PDE10A: variants seen among roughly 807,000 people sequenced by gnomAD.
PDE10A encodes phosphodiesterase 10A.
Under a neutral mutation model 97.7 loss-of-function variants are expected in PDE10A, and 39 were observed. The ratio of observed to expected loss-of-function variants is 0.40; its 90% confidence interval spans 0.31 to 0.52. The LOEUF is 0.52. Ranked by LOEUF, PDE10A falls within the 20% of genes least tolerant of loss-of-function variation. PDE10A has a pLI of 0.56. For missense variants in PDE10A, 731 were observed against 1,047.8 expected (o/e 0.70, Z 4.17); for synonymous variants, 371 against 376.8 (o/e 0.98, Z 0.18).
intron 1 of PDE10A, among the ~76,000 whole-genome samples, chr6:165,715,220 C>T (rs1279002093): frequency 6.6e-6 from 1 of 152,154 alleles, no homozygotes; most frequent in African/African-American, 2.4e-5. Context: ...CAGCAGGTGG[C>T]GAGGCTTAGG....
At chr6:165,560,689 C>T (rs1784476462) in intron 1 of PDE10A, among the ~76,000 whole-genome samples, 1 of 152,188 alleles carries the variant, frequency 6.6e-6, no homozygotes, top group African/African-American at 2.4e-5. Context: ...ACCAGTTAAG[C>T]AAAAACTGTA....
At chr6:165,970,401 G>C (rs9348057) in intron 1 of PDE10A, among the ~76,000 whole-genome samples, 8,323 of 152,126 alleles carry the variant, frequency 0.055, 370 homozygotes, top group South Asian at 0.12. Context: ...AGAATGTCTT[G>C]GTGTGTAGAA....
At chr6:165,495,095 C>T (rs897778816) in intron 2 of PDE10A, among the ~76,000 whole-genome samples, 2 of 152,198 alleles carry the variant, frequency 1.3e-5, no homozygotes, top group Admixed American at 1.3e-4. Context: ...GCAATTTTAA[C>T]AATTCATCCA....
chr6:165,488,392 G>C (rs993849395), intron 2 of PDE10A, among the ~76,000 whole-genome samples: 3 of 152,182 alleles, frequency 2.0e-5, no homozygotes, highest in African/African-American at 7.2e-5. Context: ...AGCGTTCACA[G>C]CAAGTACTTA....
intron 1 of PDE10A, among the ~76,000 whole-genome samples, chr6:165,967,551 G>T (rs705797): frequency 6.6e-6 from 1 of 152,094 alleles, no homozygotes; most frequent in Non-Finnish European, 1.5e-5. Flanking sequence ...TCGTATCTAT[G>T]GTTTTTTCTT....
At chr6:165,763,250 T>G (rs1020245097) in intron 1 of PDE10A, among the ~76,000 whole-genome samples, 1 of 152,216 alleles carries the variant, frequency 6.6e-6, no homozygotes, top group African/African-American at 2.4e-5. Context: ...TTTTCTCCTT[T>G]CCTTAAGGAC....
chr6:165,573,568 C>T (rs906445391), intron 1 of PDE10A, among the ~76,000 whole-genome samples: 5 of 152,168 alleles, frequency 3.3e-5, no homozygotes, highest in African/African-American at 1.2e-4. Flanking sequence ...TGCCTTTCAT[C>T]AAATTTGCCA....
At chr6:165,440,187 G>C (rs773202846) in intron 5 of PDE10A, among the ~76,000 whole-genome samples, 1 of 152,176 alleles carries the variant, frequency 6.6e-6, no homozygotes, top group Non-Finnish European at 1.5e-5. Context: ...CCTGGAACTT[G>C]ATATATGGAT....
intron 5 of PDE10A, among the ~76,000 whole-genome samples, chr6:165,444,546 T>C (rs1790700860): frequency 6.6e-6 from 1 of 152,174 alleles, no homozygotes; most frequent in African/African-American, 2.4e-5. Context: ...AAAAGACAGT[T>C]TGGTTTTTTA....
intron 1 of PDE10A, among the ~76,000 whole-genome samples, chr6:165,659,219 T>C (rs1790112660): frequency 6.6e-6 from 1 of 151,854 alleles, no homozygotes; most frequent in Non-Finnish European, 1.5e-5. Context: ...AAACAGTAAC[T>C]GGACAAAACA....
intron 1 of PDE10A, among the ~76,000 whole-genome samples, chr6:165,901,527 G>T (rs980693674): frequency 6.6e-6 from 1 of 152,200 alleles, no homozygotes; most frequent in East Asian, 1.9e-4. Context: ...GCATGGCCAG[G>T]CACGGTGGTT....
intron 1 of PDE10A, among the ~76,000 whole-genome samples, chr6:165,816,609 T>A (rs755866548): frequency 1.4e-4 from 22 of 152,240 alleles, no homozygotes; most frequent in Non-Finnish European, 2.5e-4. Context: ...GGAAAGTTCT[T>A]AGAACACTGC....
chr6:165,685,395 G>A (rs1284082811), intron 1 of PDE10A, among the ~76,000 whole-genome samples: 1 of 151,834 alleles, frequency 6.6e-6, no homozygotes, highest in Non-Finnish European at 1.5e-5. Context: ...TTTATTCTGT[G>A]TGTGTGTGTG....
intron 13 of PDE10A, 118 bp from the exon 14 acceptor site, chr6:165,396,577 A>G: frequency 1.1e-6 from 1 of 930,424 alleles, no homozygotes; most frequent in Non-Finnish European, 1.6e-6. Context: ...ACCAAAGTGG[A>G]TTTATTATTA....
chr6:165,762,073 T>C (rs1276182001), intron 1 of PDE10A, among the ~76,000 whole-genome samples: 2 of 152,194 alleles, frequency 1.3e-5, no homozygotes, highest in African/African-American at 4.8e-5. Context: ...CCAGAGAGTA[T>C]AAATAAGCTG....
At chr6:165,983,137 A>G (rs536096864) in intron 1 of PDE10A, among the ~76,000 whole-genome samples, 43 of 152,284 alleles carry the variant, frequency 2.8e-4, no homozygotes, top group African/African-American at 1.0e-3. Context: ...GGAAACATTC[A>G]GTCTAAGCTA....
intron 1 of PDE10A, among the ~76,000 whole-genome samples, chr6:165,743,853 C>A (rs1433429687): frequency 6.6e-6 from 1 of 152,202 alleles, no homozygotes; most frequent in Non-Finnish European, 1.5e-5. Flanking sequence ...AAGACAGAGA[C>A]TCCATGTGAT....
At chr6:165,453,963 A>T (rs1777788979) in intron 3 of PDE10A, among the ~76,000 whole-genome samples, 1 of 152,224 alleles carries the variant, frequency 6.6e-6, no homozygotes, top group African/African-American at 2.4e-5. Flanking sequence ...CAAAAATCAT[A>T]AGGGCAAGGA....
At chr6:165,514,666 G>C (rs773370945) in intron 2 of PDE10A, among the ~76,000 whole-genome samples, 2 of 152,146 alleles carry the variant, frequency 1.3e-5, no homozygotes, top group East Asian at 1.9e-4. Context: ...TGCCATTGAT[G>C]GGGGATGAGG....
Sources: allele counts gnomAD v4.1 joint callset (sites outside exome capture counted in the v4.1 genomes callset), GRCh38; gene constraint gnomAD v4.1.1; transcripts MANE v1.5; gene names NCBI Gene and HGNC (gene_info 2026-07-23, HGNC 2026-07-21).